TMC8: variants seen among roughly 807,000 people sequenced by gnomAD.
The protein encoded by TMC8 is transmembrane channel-like protein 8.
Under a neutral mutation model 76.0 loss-of-function variants are expected in TMC8, and 71 were observed. The ratio of observed to expected loss-of-function variants is 0.93; its 90% CI spans 0.77 to 1.14. TMC8 has a LOEUF of 1.14. Among genes scored for constraint, TMC8 ranks in the 50% most tolerant of loss-of-function variants. TMC8 has a pLI of 0.00. For synonymous variants in TMC8, 433 were observed against 433.8 expected (o/e 1.00, Z 0.02); for missense variants, 924 against 947.9 (o/e 0.97, Z 0.33).
Position 78,132,006 on chromosome 17 carries a change from G to C in TMC8, c.274G>C (p.Glu92Gln). 6.5e-7 allele frequency: 1 copy of C among 1,532,988 alleles called. No homozygotes were observed. Among genetic ancestry groups the C allele is most frequent in the Non-Finnish European group, 8.7e-7 (1 of 1,145,600 alleles). 95.0% of individuals were successfully genotyped at this position (1,532,988 alleles called of 1,614,324 possible). A position where few individuals can be genotyped will look rare whatever the true frequency, so the allele number is the denominator to read the frequency against. The change falls in exon 3 of 16, where the codon GAG becomes CAG. Residue 92 changes from glutamate (E) to glutamine (Q), a missense_variant. Coordinates refer to ENST00000318430, the MANE Select transcript of TMC8 (RefSeq NM_152468.5). Reference protein sequence around the residue: ...QRLARGLGLWEGALYEIGGLF... With the variant: ...QRLARGLGLWQGALYEIGGLF... ...GCTGGCCCGGGGCCTTGGGCTCTGGGAGGGGGCGCTCTACGAGATCGGGGG... is the reference window on the plus strand; with the variant it reads ...GCTGGCCCGGGGCCTTGGGCTCTGGCAGGGGGCGCTCTACGAGATCGGGGG...
At chr17:78,140,464 G>T (rs2075344942) in intron 15 of TMC8, among the ~76,000 whole-genome samples, 2 of 151,752 alleles carry the variant, frequency 1.3e-5, no homozygotes, top group South Asian at 2.1e-4. Flanking sequence ...CTTGGGGACG[G>T]ACTCTTAGCG....
Position 78,131,494 on chromosome 17 carries a change from AG to A in TMC8, c.-93del. On this transcript the variant is annotated 5_prime_UTR_variant, in exon 2 of 16. It removes the in-frame stop codon of an upstream open reading frame in the 5' UTR. Coordinates refer to ENST00000318430, the MANE Select transcript of TMC8 (RefSeq NM_152468.5). The stretch of plus-strand genomic sequence containing the variant: ...CCCGCCCCCAGCCCAGCGTGCACAG[AG>A]GCCATAGCCAAGGCCTTAAGGCTCA... 6.7e-7 allele frequency: 1 copy of A among 1,497,376 alleles called. No individual in the cohort carries two copies. Among genetic ancestry groups the A allele is most frequent in the African/African-American group, 1.4e-5 (1 of 72,298 alleles). The allele number at this position is 1,497,376 out of a possible 1,614,324, so 92.8% of individuals were successfully genotyped here.
Position 78,133,500 on chromosome 17 carries a change from C to A in TMC8, c.626C>A (p.Pro209Gln), listed in dbSNP as rs760578642. The A allele has an allele frequency of 5.0e-6, 8 of 1,613,582 alleles. No homozygotes were observed. The highest frequency in any genetic ancestry group is 8.5e-7 in the Non-Finnish European group (1 of 1,180,040). The part of the protein sequence containing the change: ...YSIRLAYLLS[P>Q]LACLLLCFCG... Reference sequence around the variant, plus strand: ...ATCCGCCTGGCCTACCTCCTCAGCCCGCTGGCCTGCCTGCTCCTCTGCTTC... The same window carrying A: ...ATCCGCCTGGCCTACCTCCTCAGCCAGCTGGCCTGCCTGCTCCTCTGCTTC... Residue 209 changes from proline to glutamine, a missense_variant, in exon 6 of 16, where the codon CCG becomes CAG. Coordinates refer to ENST00000318430, the MANE Select transcript of TMC8 (RefSeq NM_152468.5).
rs766284764 is a variant in TMC8 at position 78,134,567 on chromosome 17, G to A, written c.987+3G>A. 1.2e-6 allele frequency: 2 copies of A among 1,613,980 alleles called. No homozygotes were observed. The highest frequency in any genetic ancestry group is 1.7e-5 in the Admixed American group (1 of 59,996). ...AGTACTCACAGGACAACAAGGAGGT[G>A]TCAGGCAACTGCATTCATTTAATCC... On this transcript the variant is annotated splice_donor_region_variant and intron_variant, in intron 8 of 15. Transcript: ENST00000318430.
Position 78,140,981 on chromosome 17 carries a change from C to A in TMC8, c.2050C>A (p.Pro684Thr), listed in dbSNP as rs775023345. 6.3e-7 allele frequency: 1 copy of A among 1,593,100 alleles called. No homozygotes were observed. The highest frequency in any genetic ancestry group is 1.1e-5 in the South Asian group (1 of 88,714). ...CCCCGGATGCCCATGCCCTGGCTCC[C>A]CGGGCCACCAGGCCCCGCGGCCGGG... ...FCPGCPCPGS[P>T]GHQAPRPGPS... Residue 684 changes from proline (P) to threonine (T), a missense_variant, in exon 16 of 16, where the codon CCG becomes ACG. Pro to Thr is a conservative substitution (Grantham distance 38). Transcript: ENST00000318430.
Position 78,141,011 on chromosome 17 carries a change from T to C in TMC8, c.2080T>C (p.Ser694Pro). ...PGHQAPRPGP[S>P]VVDAAGLRSP... ...CCACCAGGCCCCGCGGCCGGGCCCC[T>C]CCGTCGTGGATGCCGCGGGACTGCG... Residue 694 changes from serine to proline, a missense_variant, in exon 16 of 16, where the codon TCC (serine) becomes CCC (proline). Coordinates refer to ENST00000318430, the MANE Select transcript of TMC8 (RefSeq NM_152468.5). 6.3e-7 allele frequency: 1 copy of C among 1,597,906 alleles called. No homozygotes were observed.
chr17:78,133,553 G>A lies in TMC8; in HGVS notation c.668+11G>A, dbSNP rs2145632886. 6.2e-7 allele frequency: 1 copy of A among 1,610,282 alleles called. No individual in the cohort carries two copies. Among genetic ancestry groups the A allele is most frequent in the Non-Finnish European group, 8.5e-7 (1 of 1,179,984 alleles). On this transcript the variant is annotated intron_variant, in intron 6 of 15. Transcript: ENST00000318430. ...TGGGACTCTGCGGCGGTGAGAGCGA[G>A]GTCCACACCTTCACCCCTTCCCCAG...
Position 78,138,684 on chromosome 17 carries a change from A to G in TMC8, c.1775A>G (p.His592Arg). Residue 592 changes from histidine (H) to arginine (R), a missense_variant, in exon 14 of 16, where the codon CAC becomes CGC. Transcript: ENST00000318430. ...CCGCCCATTGGCCAGCGTGCCCTCC[A>G]CTACCTGGGCTCCCACGCCTTCAGC... ...GLPPIGQRAL[H>R]YLGSHAFSFP... 1.2e-6 allele frequency: 2 copies of G among 1,613,286 alleles called. No individual in the cohort carries two copies. Among genetic ancestry groups the G allele is most frequent in the Non-Finnish European group, 1.7e-6 (2 of 1,180,008 alleles).
chr17:78,141,167 C>G lies in TMC8; in HGVS notation c.*55C>G, dbSNP rs2145743215. 1 of 1,451,850 alleles carries G rather than the reference C, an allele frequency of 6.9e-7. No individual in the cohort carries two copies. Among genetic ancestry groups the G allele is most frequent in the South Asian group, 1.4e-5 (1 of 71,800 alleles). The allele number at this position is 1,451,850 out of a possible 1,614,324, so 89.9% of individuals were successfully genotyped here. A position where few individuals can be genotyped will look rare whatever the true frequency, so the allele number is the denominator to read the frequency against. Reference sequence around the variant, plus strand: ...TGGGGCCCCTTCAGGCCTCCTTACTCCATCTTCCAGACCCCTGGCGACCAC... The same window carrying G: ...TGGGGCCCCTTCAGGCCTCCTTACTGCATCTTCCAGACCCCTGGCGACCAC... On this transcript the variant is annotated 3_prime_UTR_variant, in exon 16 of 16. Coordinates refer to ENST00000318430, the MANE Select transcript of TMC8 (RefSeq NM_152468.5).
Position 78,139,616 on chromosome 17 carries a change from G to A in TMC8, c.1902+376G>A, listed in dbSNP as rs182222651. On this transcript the variant is annotated intron_variant, in intron 15 of 15. Coordinates refer to ENST00000318430, the MANE Select transcript of TMC8 (RefSeq NM_152468.5). ...TTTTAAAAGGAGAATGTGGCCGGGC[G>A]TGGTGACTCACGCCTGTAATCCCAG... Among the ~76,000 whole-genome samples the A allele has an allele frequency of 9.8e-4, 149 of 152,070 alleles. 1 individual carries two copies. Among genetic ancestry groups the A allele is most frequent in the African/African-American group, 3.1e-3 (127 of 41,464 alleles).
At position 78,134,437 on chromosome 17, in the gene TMC8, A is replaced by C; in HGVS notation, c.860A>C (p.Gln287Pro). 1.2e-6 allele frequency: 2 copies of C among 1,613,602 alleles called. No homozygotes were observed. The highest frequency in any genetic ancestry group is 1.1e-5 in the South Asian group (1 of 91,090). ...EGRRFQLMQQ[Q>P]TRAQTACRLL... ...CGTCGCTTCCAGCTGATGCAGCAGCAGACCCGGGCCCAGACGGCCTGCCGC... is the reference window on the plus strand; with the variant it reads ...CGTCGCTTCCAGCTGATGCAGCAGCCGACCCGGGCCCAGACGGCCTGCCGC... Residue 287 changes from glutamine to proline, a missense_variant, in exon 8 of 16, where the codon CAG becomes CCG. Gln to Pro is a moderately conservative substitution (Grantham distance 76). Transcript: ENST00000318430.
At position 78,134,593 on chromosome 17, in the gene TMC8, T is replaced by C. The variant is rs146790329; in HGVS notation, c.987+29T>C. The C allele has an allele frequency of 0.038, 61,270 of 1,612,924 alleles. 1,502 individuals carry two copies. Among genetic ancestry groups the C allele is most frequent in the South Asian group, 0.096 (8,737 of 90,896 alleles). On this transcript the variant is annotated intron_variant, in intron 8 of 15. Transcript: ENST00000318430. ...TCAGGCAACTGCATTCATTTAATCC[T>C]GGCCAGAACTGCGGGGGTGAGACAG...
chr17:78,139,262 G>A (rs1404567681), intron 15 of TMC8, 22 bp downstream of exon 15: 1 of 1,612,626 alleles, frequency 6.2e-7, no homozygotes, highest in South Asian at 1.1e-5. Flanking sequence ...CGGGGCTGGT[G>A]AGGGGACAGC....
chr17:78,138,304 C>G, intron 12 of TMC8, 45 bp from the exon 13 acceptor site: 1 of 1,611,050 alleles, frequency 6.2e-7, no homozygotes, highest in East Asian at 2.2e-5. Context: ...CCCCTGGGGT[C>G]TGCATAACTC....
rs752557244 is a variant in TMC8, at chr17:78,133,452, C to T, written c.578C>T (p.Pro193Leu). 5 of 1,613,750 alleles carry T rather than the reference C, an allele frequency of 3.1e-6. No individual in the cohort carries two copies. The highest frequency in any genetic ancestry group is 1.1e-5 in the South Asian group (1 of 91,088). ...TTCTACGGTGCGTACCGAGTGGGGC[C>T]GGAGAGCAGCTCCGTGTACAGCATC... ...YLFYGAYRVG[P>L]ESSSVYSIRL... The change falls in exon 6 of 16, where the codon CCG becomes CTG. Residue 193 changes from proline to leucine, a missense_variant. Pro to Leu is a moderately conservative substitution (Grantham distance 98). Coordinates refer to ENST00000318430, the MANE Select transcript of TMC8 (RefSeq NM_152468.5).
chr17:78,137,571 C>A, intron 10 of TMC8, 146 bp from the exon 11 acceptor site: 1 of 1,112,554 alleles, frequency 9.0e-7, no homozygotes, highest in South Asian at 1.3e-5. Context: ...GCTCTAATCC[C>A]ATCCTCAAGG....
chr17:78,133,389 T>C lies in TMC8; in HGVS notation c.532-17T>C. On this transcript the variant is annotated splice_polypyrimidine_tract_variant and intron_variant, in intron 5 of 15. Transcript: ENST00000318430. ...CTGGTGCTCACCCGGGCTGGGTATC[T>C]TCGTCGCTGTCCCCAGGCCTTCACC... 1.9e-6 allele frequency: 3 copies of C among 1,613,680 alleles called. No individual in the cohort carries two copies. In the South Asian group the frequency reaches 3.3e-5, roughly 18 times the overall value.
rs571238694 is a variant in TMC8, at chr17:78,131,768, T to TGGG, written c.149+37_149+39dup. On this transcript the variant is annotated intron_variant, in intron 2 of 15. Transcript: ENST00000318430. The stretch of plus-strand genomic sequence containing the variant: ...TGCCACGCGGGCGCCAGACGGTGCG[T>TGGG]GGGGGGGGTGCTGCGAGGCTGCCCC... The TGGG allele has an allele frequency of 2.3e-5, 36 of 1,561,086 alleles. No individual in the cohort carries two copies. The African/African-American group carries it at 3.3e-4, about 14-fold the overall frequency.
rs912770643 is a variant in TMC8, at chr17:78,132,020, C to T, written c.288C>T (p.Tyr96=). Reference sequence around the variant, plus strand: ...TTGGGCTCTGGGAGGGGGCGCTCTACGAGATCGGGGGTAGGACCCGCGCGA... The same window carrying T: ...TTGGGCTCTGGGAGGGGGCGCTCTATGAGATCGGGGGTAGGACCCGCGCGA... ...RGLGLWEGAL[Y]EIGGLFGTGI... Residue 96 remains tyrosine (Y), a synonymous_variant, in exon 3 of 16, where the codon TAC becomes TAT. Coordinates refer to ENST00000318430, the MANE Select transcript of TMC8 (RefSeq NM_152468.5). 17 of 1,533,588 alleles carry T rather than the reference C, an allele frequency of 1.1e-5. No homozygotes were observed. In the East Asian group the frequency reaches 2.0e-4, roughly 18 times the overall value. 95.0% of individuals were successfully genotyped at this position (1,533,588 alleles called of 1,614,324 possible).
Sources: allele counts gnomAD v4.1 joint callset (sites outside exome capture counted in the v4.1 genomes callset), GRCh38; gene constraint gnomAD v4.1.1; transcripts MANE v1.5; gene names NCBI Gene and HGNC (gene_info 2026-07-23, HGNC 2026-07-21).